PTPRS: variants seen among roughly 807,000 people sequenced by gnomAD.
PTPRS encodes the protein protein tyrosine phosphatase receptor type S.
PTPRS carries 63 observed loss-of-function variants against 215.3 expected under a neutral mutation model. The ratio of observed to expected loss-of-function variants is 0.29; its 90% CI spans 0.24 to 0.36. The LOEUF is 0.36. PTPRS is among the 10% of genes least tolerant of loss of function. The pLI is 1.00. For synonymous variants in PTPRS, 1,404 were observed against 1,191.4 expected (o/e 1.18, Z -3.68); for missense variants, 2,258 against 2,825.8 (o/e 0.80, Z 4.56).
chr19:5,206,943 G>T, intron 37 of PTPRS, 101 bp from the exon 38 acceptor site: 1 of 1,061,828 alleles, frequency 9.4e-7, no homozygotes, highest in Non-Finnish European at 1.4e-6. Context: ...AGCCTTGTGC[G>T]TGTCTCTTGC....
intron 8 of PTPRS, among the ~76,000 whole-genome samples, chr19:5,256,462 C>T (rs1448491903): frequency 2.0e-5 from 3 of 152,070 alleles, no homozygotes; most frequent in African/African-American, 7.2e-5. Context: ...GATGGAGGCT[C>T]ATGCTGGGGA....
intron 30 of PTPRS, 95 bp downstream of exon 30, chr19:5,214,266 C>G: frequency 1.3e-6 from 2 of 1,545,498 alleles, no homozygotes; most frequent in South Asian, 2.3e-5. Flanking sequence ...TTCTCTCTGT[C>G]CCATGGGGAG....
intron 17 of PTPRS, among the ~76,000 whole-genome samples, chr19:5,224,364 G>A (rs981043157): frequency 1.3e-5 from 2 of 152,140 alleles, no homozygotes; most frequent in African/African-American, 4.8e-5. Flanking sequence ...AGGACTCAGA[G>A]AACCCCTCCT....
At chr19:5,336,389 C>G (rs2050504154) in intron 1 of PTPRS, among the ~76,000 whole-genome samples, 1 of 152,008 alleles carries the variant, frequency 6.6e-6, no homozygotes, top group Admixed American at 6.5e-5. Context: ...AACAGCCACC[C>G]TTTCCCTCGA....
At chr19:5,254,048 C>G (rs2045362826) in intron 9 of PTPRS, among the ~76,000 whole-genome samples, 1 of 152,146 alleles carries the variant, frequency 6.6e-6, no homozygotes, top group South Asian at 2.1e-4. Flanking sequence ...AGAGCCTATG[C>G]TCTCATCACT....
chr19:5,257,542 T>G lies in PTPRS; in HGVS notation c.706+475A>C. On this transcript the variant is annotated intron_variant, in intron 8 of 37. Coordinates refer to ENST00000262963, the MANE Select transcript of PTPRS (RefSeq NM_002850.4). The surrounding 1 kb of genome is among the most constrained non-coding windows in gnomAD (Gnocchi z 4.4). ...CAACTTCTAGATTGAGGGCCCTGGA[T>G]TAGGGGGGGCAGTGAAGCGGGGAGC... 2.3e-6 allele frequency: 1 copy of G among 443,688 alleles called. No homozygotes were observed. The highest frequency in any genetic ancestry group is 4.5e-6 in the Non-Finnish European group (1 of 220,220). The allele number at this position is 443,688 out of a possible 1,614,324, so 27.5% of individuals were successfully genotyped here. A position where few individuals can be genotyped will look rare whatever the true frequency, so the allele number is the denominator to read the frequency against.
At chr19:5,206,918 C>CT in intron 37 of PTPRS, 76 bp from the exon 38 acceptor site, 7 of 1,358,838 alleles carry the variant, frequency 5.2e-6, no homozygotes, top group Non-Finnish European at 7.4e-6. Context: ...CCCTCAGGAG[C>CT]AGGCCAAGCT....
chr19:5,261,492 C>A (rs574833656), intron 6 of PTPRS, among the ~76,000 whole-genome samples: 20 of 152,166 alleles, frequency 1.3e-4, no homozygotes, highest in Non-Finnish European at 2.4e-4. Context: ...AAAGGCGGCT[C>A]GGGGCTGGAA....
chr19:5,319,164 C>T (rs994700203), intron 1 of PTPRS, among the ~76,000 whole-genome samples: 24 of 152,206 alleles, frequency 1.6e-4, no homozygotes, highest in African/African-American at 5.5e-4. Flanking sequence ...GGGATCCCAG[C>T]ACTTTGGGAA....
At chr19:5,238,888 G>C in intron 13 of PTPRS, 31 bp downstream of exon 13, 1 of 1,558,336 alleles carries the variant, frequency 6.4e-7, no homozygotes. Flanking sequence ...GGTCCCTCCC[G>C]CAGAGAAGGG....
At chr19:5,288,034 TAGTC>T (rs2048511438) in intron 1 of PTPRS, among the ~76,000 whole-genome samples, 1 of 144,312 alleles carries the variant, frequency 6.9e-6, no homozygotes, top group African/African-American at 2.6e-5. Context: ...AACTTGCACA[TAGTC>T]AGACCACAAA....
chr19:5,236,189 T>C (rs2043428792), intron 13 of PTPRS, among the ~76,000 whole-genome samples: 1 of 152,208 alleles, frequency 6.6e-6, no homozygotes, highest in Non-Finnish European at 1.5e-5. Flanking sequence ...GACCCCACCC[T>C]GGAAGCTTTT....
At position 5,325,851 on chromosome 19, in the gene PTPRS, C is replaced by T. The variant is rs1262186332; in HGVS notation, c.-95+14813G>A. On this transcript the variant is annotated intron_variant, in intron 1 of 37. Transcript: ENST00000262963. ...CTCCCCAGGCCATGGGGAAGCAACG[C>T]TCAGTTCAAGAAATTCAGGCCGAAG... Among the ~76,000 whole-genome samples the T allele has an allele frequency of 2.0e-5, 3 of 152,242 alleles. No homozygotes were observed. In the East Asian group the frequency reaches 5.8e-4, roughly 29 times the overall value.
chr19:5,275,544 A>G (rs185349591), intron 2 of PTPRS, among the ~76,000 whole-genome samples: 2 of 148,676 alleles, frequency 1.3e-5, no homozygotes, highest in African/African-American at 2.5e-5. Flanking sequence ...AGGCCATCAC[A>G]TCTGTAACCC....
At chr19:5,277,366 G>A (rs375059296) in intron 2 of PTPRS, among the ~76,000 whole-genome samples, 5 of 152,046 alleles carry the variant, frequency 3.3e-5, no homozygotes, top group East Asian at 1.9e-4. Flanking sequence ...GTATAAAAAG[G>A]GGGAAAAAGC....
chr19:5,323,632 C>T (rs2050091337), intron 1 of PTPRS, among the ~76,000 whole-genome samples: 1 of 152,200 alleles, frequency 6.6e-6, no homozygotes, highest in Non-Finnish European at 1.5e-5. Flanking sequence ...CGAGGAGGCC[C>T]GTGTGGCTGG....
rs1215710189 is a variant in PTPRS at position 5,210,915 on chromosome 19, A to C, written c.5235-110T>G. 6 of 1,400,004 alleles carry C rather than the reference A, an allele frequency of 4.3e-6. No individual in the cohort carries two copies. In the South Asian group the frequency reaches 8.6e-5, roughly 20 times the overall value. 86.7% of individuals were successfully genotyped at this position (1,400,004 alleles called of 1,614,324 possible). ...CAAGCCAGTGACAGCTACACCTACCACCCCACTGCCTGCCAGGAATGGCTG... is the reference window on the plus strand; with the variant it reads ...CAAGCCAGTGACAGCTACACCTACCCCCCCACTGCCTGCCAGGAATGGCTG... On this transcript the variant is annotated intron_variant, in intron 33 of 37. Transcript: ENST00000262963. The surrounding 1 kb of genome is among the most constrained non-coding windows in gnomAD (Gnocchi z 4.5).
At chr19:5,241,170 C>T (rs1230701900) in intron 11 of PTPRS, among the ~76,000 whole-genome samples, 20 of 150,626 alleles carry the variant, frequency 1.3e-4, no homozygotes, top group East Asian at 6.1e-4. Context: ...ATTACAGGCG[C>T]GAACCACCAC....
At chr19:5,300,508 C>T (rs989370318) in intron 1 of PTPRS, among the ~76,000 whole-genome samples, 18 of 151,904 alleles carry the variant, frequency 1.2e-4, no homozygotes, top group Non-Finnish European at 2.1e-4. Flanking sequence ...TGGTGGCTTA[C>T]ACCTGTAATC....
Sources: gnomAD v4.1 joint callset for allele counts (sites outside exome capture counted in the v4.1 genomes callset) on GRCh38, gnomAD v4.1.1 for gene constraint, Gnocchi (gnomAD v3.1) non-coding constraint, MANE v1.5 for transcripts, NCBI Gene and HGNC (gene_info 2026-07-23, HGNC 2026-07-21) for gene names.